TGFA: variants seen among roughly 807,000 people sequenced by gnomAD.
The protein encoded by TGFA is transforming growth factor alpha, also known as protransforming growth factor alpha.
A neutral mutation model predicts 21.7 loss-of-function variants in TGFA; 12 were observed. That is an observed-to-expected ratio of 0.55 (90% confidence interval 0.35 to 0.90). TGFA has a LOEUF of 0.90. Among genes scored for constraint, TGFA ranks in the 40% least tolerant of loss-of-function variants. The pLI is 0.01. For missense variants in TGFA, 178 were observed against 210.8 expected, an observed-to-expected ratio of 0.84 and a Z score of 0.96; for synonymous variants, 79 against 88.1, an observed-to-expected ratio of 0.90 and a Z score of 0.58.
At chr2:70,513,674 C>T (rs1553501241) in intron 2 of TGFA, among the ~76,000 whole-genome samples, 1 of 152,160 alleles carries the variant, frequency 6.6e-6, no homozygotes, top group African/African-American at 2.4e-5. Context: ...GGCAGTGTCG[C>T]CTCCAGTGGG....
chr2:70,528,378 G>C (rs1316442418), intron 1 of TGFA, among the ~76,000 whole-genome samples: 1 of 152,164 alleles, frequency 6.6e-6, no homozygotes, highest in African/African-American at 2.4e-5. Context: ...GCCGGGCTGG[G>C]CTGCCCTGTA....
intron 2 of TGFA, among the ~76,000 whole-genome samples, chr2:70,488,737 A>G (rs377244769): frequency 2.6e-5 from 4 of 152,214 alleles, no homozygotes; most frequent in African/African-American, 9.6e-5. Flanking sequence ...GAGGACTGAC[A>G]TTATAATTAT....
intron 2 of TGFA, among the ~76,000 whole-genome samples, chr2:70,478,120 C>G (rs1309553138): frequency 1.3e-5 from 2 of 152,308 alleles, no homozygotes; most frequent in Admixed American, 1.3e-4. Context: ...GTTCTCCATC[C>G]TGGAGGGATC....
chr2:70,470,722 G>A (rs1424764088), intron 2 of TGFA, among the ~76,000 whole-genome samples: 1 of 152,206 alleles, frequency 6.6e-6, no homozygotes, highest in East Asian at 1.9e-4. Flanking sequence ...GACCAGAGTG[G>A]AAACAAGCCT....
rs187043537 is a variant in TGFA, at chr2:70,459,082, G to A, written c.216-2594C>T. Among the ~76,000 whole-genome samples the A allele has an allele frequency of 1.1e-4, 17 of 152,308 alleles. No homozygotes were observed. The East Asian group carries it at 2.9e-3, about 26-fold the overall frequency. Reference sequence around the variant, plus strand: ...CAGAGTCTTTTGTGAAAGTCTCAGCGTATAGGAAGGTGAGCAACCCATGAC... The same window carrying A: ...CAGAGTCTTTTGTGAAAGTCTCAGCATATAGGAAGGTGAGCAACCCATGAC... On this transcript the variant is annotated intron_variant, in intron 3 of 5. Transcript: ENST00000295400.
At chr2:70,476,109 T>TAAAAAAAAAAAAA (rs1670926055) in intron 2 of TGFA, among the ~76,000 whole-genome samples, 1 of 78,500 alleles carries the variant, frequency 1.3e-5, no homozygotes, top group East Asian at 4.2e-4. Flanking sequence ...AAAAAAAAAT[T>TAAAAAAAAAAAAA]AAGAAAATTA....
chr2:70,532,160 C>T (rs1672829551), intron 1 of TGFA, among the ~76,000 whole-genome samples: 1 of 152,098 alleles, frequency 6.6e-6, no homozygotes, highest in Admixed American at 6.5e-5. Flanking sequence ...GCCTGTGAAG[C>T]CTCTGAAAAT....
At chr2:70,492,030 C>T (rs1671452728) in intron 2 of TGFA, among the ~76,000 whole-genome samples, 1 of 152,174 alleles carries the variant, frequency 6.6e-6, no homozygotes, top group Non-Finnish European at 1.5e-5. Context: ...AAAAGAAAAA[C>T]CATGAGCAAG....
chr2:70,524,247 C>T (rs963710093), intron 1 of TGFA, among the ~76,000 whole-genome samples: 4 of 152,246 alleles, frequency 2.6e-5, no homozygotes, highest in Non-Finnish European at 5.9e-5. Flanking sequence ...ACAGTGTTAA[C>T]CAGGATGCAG....
chr2:70,480,892 A>T (rs1553495371), intron 2 of TGFA, among the ~76,000 whole-genome samples: 1 of 151,810 alleles, frequency 6.6e-6, no homozygotes, highest in African/African-American at 2.4e-5. Flanking sequence ...TCCATGATCT[A>T]AAGGCTCTGC....
At chr2:70,496,328 T>G (rs1316549281) in intron 2 of TGFA, among the ~76,000 whole-genome samples, 1 of 152,194 alleles carries the variant, frequency 6.6e-6, no homozygotes, top group Non-Finnish European at 1.5e-5. Context: ...CAAAATATGC[T>G]TCTACCAGAA....
intron 1 of TGFA, among the ~76,000 whole-genome samples, chr2:70,539,257 G>A (rs1057389935): frequency 2.0e-4 from 30 of 152,076 alleles, no homozygotes; most frequent in Non-Finnish European, 4.1e-4. Context: ...GTGGTGGCCC[G>A]GAGCTGGGCC....
chr2:70,527,937 A>G (rs1297939011), intron 1 of TGFA, among the ~76,000 whole-genome samples: 3 of 152,212 alleles, frequency 2.0e-5, no homozygotes, highest in African/African-American at 7.2e-5. Flanking sequence ...TGAGTCAGAC[A>G]TTTCTGGAAA....
chr2:70,553,273 A>AG, intron 1 of TGFA: 1 of 1,534,790 alleles, frequency 6.5e-7, no homozygotes, highest in Non-Finnish European at 8.7e-7. Flanking sequence ...AGAGGTGGGC[A>AG]GGGGGTGCCA....
At chr2:70,481,159 C>T (rs1671108802) in intron 2 of TGFA, among the ~76,000 whole-genome samples, 1 of 152,126 alleles carries the variant, frequency 6.6e-6, no homozygotes. Context: ...TCCCCTAGTC[C>T]AGAAGTGAAA....
At chr2:70,525,920 C>T (rs782477448) in intron 1 of TGFA, among the ~76,000 whole-genome samples, 2 of 152,174 alleles carry the variant, frequency 1.3e-5, no homozygotes, top group African/African-American at 2.4e-5. Flanking sequence ...TGCACAGAAC[C>T]TTGTCTTGCT....
At chr2:70,490,254 T>G (rs570547897) in intron 2 of TGFA, among the ~76,000 whole-genome samples, 61 of 152,350 alleles carry the variant, frequency 4.0e-4, no homozygotes, top group African/African-American at 1.4e-3. Flanking sequence ...CCATATAGTG[T>G]CAATAAATGA....
intron 2 of TGFA, among the ~76,000 whole-genome samples, chr2:70,487,308 G>A (rs1553496870): frequency 6.6e-6 from 1 of 152,146 alleles, no homozygotes; most frequent in Admixed American, 6.5e-5. Flanking sequence ...TTATGCTACA[G>A]GTTGAGTATT....
At chr2:70,458,916 GC>G (rs1419891666) in intron 3 of TGFA, among the ~76,000 whole-genome samples, 10 of 152,220 alleles carry the variant, frequency 6.6e-5, no homozygotes, top group African/African-American at 2.2e-4. Context: ...ACAGAATGGG[GC>G]CGGGGAGCCT....
Sources: allele counts gnomAD v4.1 joint callset (sites outside exome capture counted in the v4.1 genomes callset), GRCh38; gene constraint gnomAD v4.1.1; transcripts MANE v1.5; gene names NCBI Gene and HGNC (gene_info 2026-07-23, HGNC 2026-07-21).